The following KAT6B variants were observed in gnomAD, a reference collection of about 807,000 sequenced individuals.
KAT6B encodes histone acetyltransferase KAT6B.
KAT6B carries 10 observed loss-of-function variants against 187.5 expected under a neutral mutation model. That is an observed-to-expected ratio of 0.05 (90% CI 0.03 to 0.09). The LOEUF (loss-of-function observed/expected upper bound fraction) is 0.09, where lower values mean the gene tolerates loss of function less well. Among genes scored for constraint, KAT6B ranks in the 10% least tolerant of loss-of-function variants. The pLI, the probability that KAT6B is intolerant of heterozygous loss-of-function variation, is 1.00. For missense variants in KAT6B, 1,952 were observed against 2,558.9 expected (o/e 0.76, Z 5.12); for synonymous variants, 861 against 926.8 (o/e 0.93, Z 1.29).
intron 4 of KAT6B, among the ~76,000 whole-genome samples, chr10:74,968,816 C>T (rs1395051675): frequency 1.3e-5 from 2 of 152,202 alleles, no homozygotes; most frequent in Non-Finnish European, 2.9e-5. Context: ...GCTCCGCACA[C>T]CTCTTGGAGG....
chr10:74,916,916 A>G (rs1847731812), intron 3 of KAT6B, among the ~76,000 whole-genome samples: 1 of 152,188 alleles, frequency 6.6e-6, no homozygotes, highest in South Asian at 2.1e-4. Flanking sequence ...AGCCTGGGCA[A>G]AATGTGGCAA....
rs1253394078 is a variant in KAT6B, at chr10:74,985,259, A to G, written c.2535+18A>G. The stretch of plus-strand genomic sequence containing the variant: ...TCTCTAAGGTAAAACAAGAGCCAGC[A>G]TGACCTTCATTTTCTTTTTCAAAAT... On this transcript the variant is annotated intron_variant, in intron 12 of 17. Transcript: ENST00000287239. 6.2e-7 allele frequency: 1 copy of G among 1,613,358 alleles called. No homozygotes were observed. The highest frequency in any genetic ancestry group is 8.5e-7 in the Non-Finnish European group (1 of 1,179,312).
At position 74,830,789 on chromosome 10, in the gene KAT6B, T is replaced by A. The variant is rs1303905191; in HGVS notation, c.-329+4004T>A. 4.7e-5 allele frequency among the ~76,000 whole-genome samples: 4 copies of A among 85,720 alleles called. No individual in the cohort carries two copies. In the East Asian group the frequency reaches 1.0e-3, roughly 22 times the overall value. 56.2% of individuals were successfully genotyped at this position (85,720 alleles called of 152,430 possible). A position where few individuals can be genotyped will look rare whatever the true frequency, so the allele number is the denominator to read the frequency against. On this transcript the variant is annotated intron_variant, in intron 1 of 17. Transcript: ENST00000287239. ...ATATATTTTTTTTTTTTTTTTTTTT[T>A]TTTTTTTTTTTTTTTGAGACGGAGT...
chr10:74,942,221 AAC>A (rs1393128071), intron 3 of KAT6B, among the ~76,000 whole-genome samples: 1 of 152,182 alleles, frequency 6.6e-6, no homozygotes, highest in Non-Finnish European at 1.5e-5. Context: ...CATGAACATA[AAC>A]ACAGATTTTT....
At chr10:74,933,255 A>G (rs1029831055) in intron 3 of KAT6B, among the ~76,000 whole-genome samples, 35 of 152,256 alleles carry the variant, frequency 2.3e-4, no homozygotes, top group Admixed American at 1.8e-3. Context: ...CCTTGGAAAA[A>G]AGAGATAGCC....
chr10:75,018,287 C>G (rs1018200678), intron 13 of KAT6B, among the ~76,000 whole-genome samples: 2 of 152,232 alleles, frequency 1.3e-5, no homozygotes, highest in African/African-American at 2.4e-5. Flanking sequence ...CAGGGCTGAT[C>G]ACCCTGCTGC....
In KAT6B at chr10:75,013,113, C is replaced by T. The variant is rs532906697; in HGVS notation, c.2630-7469C>T. On this transcript the variant is annotated intron_variant, in intron 13 of 17. Coordinates refer to ENST00000287239, the MANE Select transcript of KAT6B (RefSeq NM_012330.4). ...GTCCATGCTCAGGGTTTCACTGGGT[C>T]AGGCCATTTTCCCAGAGACACACTT... is the stretch of plus-strand genomic sequence containing the variant. Among the ~76,000 whole-genome samples the T allele has an allele frequency of 1.1e-4, 17 of 152,274 alleles. No homozygotes were observed. The South Asian group carries it at 3.3e-3, about 30-fold the overall frequency.
At chr10:75,014,732 C>T (rs1844864171) in intron 13 of KAT6B, among the ~76,000 whole-genome samples, 1 of 152,132 alleles carries the variant, frequency 6.6e-6, no homozygotes, top group Admixed American at 6.5e-5. Flanking sequence ...ATGCTGTTAA[C>T]CAGAACTAGT....
chr10:74,848,880 G>A (rs1842291241), intron 3 of KAT6B, among the ~76,000 whole-genome samples: 1 of 152,136 alleles, frequency 6.6e-6, no homozygotes, highest in South Asian at 2.1e-4. Flanking sequence ...CATTGTTCTT[G>A]ATGTGCTTGA....
chr10:74,903,082 C>T (rs1253684979), intron 3 of KAT6B, among the ~76,000 whole-genome samples: 5 of 152,134 alleles, frequency 3.3e-5, no homozygotes, highest in Non-Finnish European at 7.4e-5. Flanking sequence ...TGCTTTTAAA[C>T]GAACAGGGAT....
chr10:74,956,481 T>G (rs1233166606), intron 3 of KAT6B, among the ~76,000 whole-genome samples: 3 of 152,198 alleles, frequency 2.0e-5, no homozygotes, highest in Non-Finnish European at 2.9e-5. Context: ...TGGGAGAAAT[T>G]GTATGGAATA....
intron 17 of KAT6B, among the ~76,000 whole-genome samples, chr10:75,027,253 G>A (rs1845929976): frequency 1.3e-5 from 2 of 152,202 alleles, no homozygotes. Flanking sequence ...CACTTCTCAA[G>A]GAAACATTCT....
At chr10:74,878,188 A>G (rs1035479789) in intron 3 of KAT6B, among the ~76,000 whole-genome samples, 2 of 152,166 alleles carry the variant, frequency 1.3e-5, no homozygotes, top group African/African-American at 4.8e-5. Flanking sequence ...GTGAGATACT[A>G]TTTGTTCCCT....
chr10:74,967,142 C>G (rs1054890704), intron 4 of KAT6B, among the ~76,000 whole-genome samples: 2 of 152,070 alleles, frequency 1.3e-5, no homozygotes, highest in Non-Finnish European at 1.5e-5. Context: ...CTGGCTAACA[C>G]AGTGAAACCC....
chr10:74,991,205 A>G lies in KAT6B; in HGVS notation c.2629+2093A>G, dbSNP rs76326542. Among the ~76,000 whole-genome samples, 92 of 152,324 alleles carry G rather than the reference A, an allele frequency of 6.0e-4. No homozygotes were observed. In the East Asian group the frequency reaches 0.014, roughly 23 times the overall value. On this transcript the variant is annotated intron_variant, in intron 13 of 17. Coordinates refer to ENST00000287239, the MANE Select transcript of KAT6B (RefSeq NM_012330.4). ...GGTTTCATACTTCCAACTTCTCTGT[A>G]TCCACTAGGACAGTTTCCTTTATAA...
In KAT6B at chr10:74,975,664, A is replaced by G; in HGVS notation, c.1327A>G (p.Thr443Ala). The G allele has an allele frequency of 6.2e-7, 1 of 1,614,232 alleles. No individual in the cohort carries two copies. Among genetic ancestry groups the G allele is most frequent in the Non-Finnish European group, 8.5e-7 (1 of 1,180,046 alleles). The change falls in exon 8 of 18, where the codon ACA becomes GCA. Residue 443 changes from threonine (T) to alanine (A), a missense_variant. Transcript: ENST00000287239. ...GLIDGLTKFF[T>A]PSPDGRRSRG... ...CATTGATGGCCTTACTAAGTTTTTTACACCATCACCTGATGGTCGCAGATC... is the reference window on the plus strand; with the variant it reads ...CATTGATGGCCTTACTAAGTTTTTTGCACCATCACCTGATGGTCGCAGATC...
chr10:74,956,986 C>A (rs989964526), intron 3 of KAT6B, among the ~76,000 whole-genome samples: 1 of 152,158 alleles, frequency 6.6e-6, no homozygotes, highest in Non-Finnish European at 1.5e-5. Context: ...TTTTTGGTAT[C>A]ATTTTCAGAC....
chr10:74,868,852 A>T (rs1207542842), intron 3 of KAT6B, among the ~76,000 whole-genome samples: 1 of 152,142 alleles, frequency 6.6e-6, no homozygotes, highest in Non-Finnish European at 1.5e-5. Flanking sequence ...CCTCCCAGGG[A>T]TGTTCATTCA....
chr10:75,025,918 TG>T (rs1845795618), intron 17 of KAT6B: 1 of 151,582 alleles, frequency 6.6e-6, no homozygotes, highest in African/African-American at 2.4e-5. Context: ...TCAGCACTTT[TG>T]GAGACTGAGG....
Sources: gnomAD v4.1 joint callset for allele counts (sites outside exome capture counted in the v4.1 genomes callset) on GRCh38, gnomAD v4.1.1 for gene constraint, MANE v1.5 for transcripts, NCBI Gene and HGNC (gene_info 2026-07-23, HGNC 2026-07-21) for gene names.